PLCXD3: variants seen among roughly 807,000 people sequenced by gnomAD.
PLCXD3 encodes phosphatidylinositol specific phospholipase C X domain containing 3, also known as PI-PLC X domain-containing protein 3.
PLCXD3 carries 19 observed loss-of-function variants against 25.5 expected under a neutral mutation model. The observed-to-expected ratio is 0.75, with a 90% CI of 0.52 to 1.09. The LOEUF (loss-of-function observed/expected upper bound fraction) is 1.09, where lower values mean the gene tolerates loss of function less well. PLCXD3 is among the 50% of genes least tolerant of loss of function. The pLI is 0.00. For synonymous variants in PLCXD3, 174 were observed against 137.6 expected, an observed-to-expected ratio of 1.26 and a Z score of -1.85; for missense variants, 411 against 388.1, an observed-to-expected ratio of 1.06 and a Z score of -0.50.
rs1420502215 is a variant in PLCXD3 at position 41,405,232 on chromosome 5, GA to G, written c.104-22699del. ...TTGTTTGAGGTCTTTTTCTAGGATAGAAGAAAGGCAAGTGGCAATATTTCTA... is the reference window on the plus strand; with the variant it reads ...TTGTTTGAGGTCTTTTTCTAGGATAGAGAAAGGCAAGTGGCAATATTTCTA... On this transcript the variant is annotated intron_variant, in intron 1 of 2. Transcript: ENST00000377801. Among the ~76,000 whole-genome samples, 3 of 152,232 alleles carry G rather than the reference GA, an allele frequency of 2.0e-5. No individual in the cohort carries two copies. The East Asian group carries it at 5.8e-4, about 29-fold the overall frequency.
At chr5:41,366,097 C>A (rs976591057) in intron 2 of PLCXD3, among the ~76,000 whole-genome samples, 3 of 152,082 alleles carry the variant, frequency 2.0e-5, no homozygotes, top group Non-Finnish European at 4.4e-5. Flanking sequence ...CCCCACTCTC[C>A]CAGCCCCACG....
intron 1 of PLCXD3, among the ~76,000 whole-genome samples, chr5:41,490,418 A>T (rs1045177566): frequency 4.5e-4 from 69 of 152,206 alleles, no homozygotes; most frequent in Admixed American, 7.9e-4. Context: ...TGTCTCTGCC[A>T]GGCTTTGGTA....
intron 1 of PLCXD3, among the ~76,000 whole-genome samples, chr5:41,446,137 A>G (rs1181196207): frequency 2.3e-5 from 3 of 133,146 alleles, no homozygotes; most frequent in Non-Finnish European, 4.7e-5. Context: ...GCAGTGCGCC[A>G]CAGCACTCCA....
chr5:41,337,477 C>T (rs1226442815), intron 2 of PLCXD3, among the ~76,000 whole-genome samples: 1 of 152,146 alleles, frequency 6.6e-6, no homozygotes, highest in East Asian at 1.9e-4. Flanking sequence ...CCAGTGCATC[C>T]TTTCCAAGAT....
chr5:41,440,949 T>C lies in PLCXD3; in HGVS notation c.104-58415A>G, dbSNP rs117748277. ...GATCAGGCTATCAGAATGAGCTACC[T>C]AGGAGTCTCGGAAAGTTAGTGTATA... is the stretch of plus-strand genomic sequence containing the variant. On this transcript the variant is annotated intron_variant, in intron 1 of 2. Transcript: ENST00000377801. 2.0e-4 allele frequency among the ~76,000 whole-genome samples: 31 copies of C among 152,312 alleles called. No homozygotes were observed. The East Asian group carries it at 3.5e-3, about 17-fold the overall frequency.
intron 1 of PLCXD3, among the ~76,000 whole-genome samples, chr5:41,418,817 A>G (rs178466): frequency 0.094 from 14,252 of 152,276 alleles, 818 homozygotes; most frequent in Non-Finnish European, 0.12. Context: ...TTTGGAGAAG[A>G]GTGTGACTCC....
chr5:41,443,069 A>G (rs918274829), intron 1 of PLCXD3, among the ~76,000 whole-genome samples: 3 of 148,714 alleles, frequency 2.0e-5, no homozygotes, highest in Admixed American at 1.3e-4. Context: ...ATATAATTAT[A>G]CATATCCAGA....
chr5:41,421,256 C>T (rs947810441), intron 1 of PLCXD3, among the ~76,000 whole-genome samples: 1 of 152,186 alleles, frequency 6.6e-6, no homozygotes, highest in Non-Finnish European at 1.5e-5. Flanking sequence ...GTCAACTATA[C>T]ATTATTCAAT....
chr5:41,455,340 C>T (rs1747729061), intron 1 of PLCXD3, among the ~76,000 whole-genome samples: 1 of 151,868 alleles, frequency 6.6e-6, no homozygotes, highest in Non-Finnish European at 1.5e-5. Context: ...TTTATTCTTC[C>T]GTTAACCTGA....
rs924475812 is a variant in PLCXD3, at chr5:41,358,365, G to A, written c.812+23461C>T. ...AGGTTGTGTTTGGTTGCATGAATAA[G>A]TTTTATCGTAGTTTCTGAGATTTTA... is the stretch of plus-strand genomic sequence containing the variant. On this transcript the variant is annotated intron_variant, in intron 2 of 2. Transcript: ENST00000377801. Among the ~76,000 whole-genome samples the A allele has an allele frequency of 1.2e-3, 178 of 152,200 alleles. 1 individual carries two copies. Among genetic ancestry groups the A allele is most frequent in the African/African-American group, 4.2e-3 (174 of 41,528 alleles).
intron 2 of PLCXD3, among the ~76,000 whole-genome samples, chr5:41,327,407 A>C (rs964023190): frequency 3.9e-4 from 60 of 152,152 alleles, no homozygotes; most frequent in Admixed American, 2.0e-4. Flanking sequence ...TCTCCTGCAA[A>C]GAATTTGATA....
intron 2 of PLCXD3, among the ~76,000 whole-genome samples, chr5:41,372,134 T>C (rs1405730291): frequency 6.6e-6 from 1 of 152,096 alleles, no homozygotes; most frequent in Non-Finnish European, 1.5e-5. Flanking sequence ...ACATACTAGT[T>C]ATATTTTAAG....
At chr5:41,335,188 A>G (rs189388249) in intron 2 of PLCXD3, among the ~76,000 whole-genome samples, 3 of 152,342 alleles carry the variant, frequency 2.0e-5, no homozygotes, top group Admixed American at 1.3e-4. Flanking sequence ...GACAGTTTCT[A>G]TCGCTAGCAC....
chr5:41,448,743 G>T (rs943027017), intron 1 of PLCXD3, among the ~76,000 whole-genome samples: 1 of 152,100 alleles, frequency 6.6e-6, no homozygotes, highest in African/African-American at 2.4e-5. Context: ...TAGAGGAGAA[G>T]CTCAGTATAG....
At chr5:41,331,036 A>G (rs1743787360) in intron 2 of PLCXD3, among the ~76,000 whole-genome samples, 2 of 151,596 alleles carry the variant, frequency 1.3e-5, no homozygotes, top group African/African-American at 4.8e-5. Context: ...AAACTGGCAC[A>G]AGACAGGGAT....
rs192046187 is a variant in PLCXD3, at chr5:41,324,539, C to T, written c.813-10769G>A. ...AGAGCAGCAGGTGGAGACATTTGGTCCCCACAGCAATAGTTTTAGAAGATA... is the reference window on the plus strand; with the variant it reads ...AGAGCAGCAGGTGGAGACATTTGGTTCCCACAGCAATAGTTTTAGAAGATA... On this transcript the variant is annotated intron_variant, in intron 2 of 2. Coordinates refer to ENST00000377801, the MANE Select transcript of PLCXD3 (RefSeq NM_001005473.3). Among the ~76,000 whole-genome samples, 508 of 152,240 alleles carry T rather than the reference C, an allele frequency of 3.3e-3. 2 individuals carry two copies. The highest frequency in any genetic ancestry group is 9.6e-3 in the African/African-American group (399 of 41,532).
intron 1 of PLCXD3, among the ~76,000 whole-genome samples, chr5:41,461,512 C>T (rs1036512450): frequency 9.2e-5 from 14 of 152,100 alleles, no homozygotes; most frequent in African/African-American, 3.4e-4. Flanking sequence ...ATGGTGGTTT[C>T]CTTCTTTCTA....
intron 1 of PLCXD3, 49 bp downstream of exon 1, chr5:41,510,375 C>A (rs751624190): frequency 1.4e-5 from 20 of 1,470,304 alleles, no homozygotes; most frequent in East Asian, 5.1e-5. Context: ...CAGGGCGGGG[C>A]AGGTGGAGCG....
intron 1 of PLCXD3, among the ~76,000 whole-genome samples, chr5:41,448,014 G>A (rs1295908166): frequency 2.0e-5 from 3 of 152,222 alleles, no homozygotes; most frequent in Non-Finnish European, 2.9e-5. Flanking sequence ...GACAAAGAAG[G>A]AGGAAAGAGA....
Sources: allele counts gnomAD v4.1 joint callset (sites outside exome capture counted in the v4.1 genomes callset), GRCh38; gene constraint gnomAD v4.1.1; transcripts MANE v1.5; gene names NCBI Gene and HGNC (gene_info 2026-07-23, HGNC 2026-07-21).